Variants in ESAM observed in about 807,000 individuals in gnomAD.
ESAM encodes endothelial cell adhesion molecule, also known as endothelial cell-selective adhesion molecule.
In ESAM, 23 loss-of-function variants were observed where a neutral mutation model predicts 31.8. The observed-to-expected ratio is 0.72, with a 90% confidence interval of 0.52 to 1.03. The LOEUF (loss-of-function observed/expected upper bound fraction) is 1.03, where lower values mean the gene tolerates loss of function less well. Among genes scored for constraint, ESAM ranks in the 50% least tolerant of loss-of-function variants. ESAM has a pLI of 0.00. For synonymous variants in ESAM, 216 were observed against 207.2 expected, an observed-to-expected ratio of 1.04 and a Z score of -0.37; for missense variants, 478 against 488.9, an observed-to-expected ratio of 0.98 and a Z score of 0.21.
In ESAM at chr11:124,754,889, TG is replaced by T. The variant is rs35321051; in HGVS notation, c.608-127del. On this transcript the variant is annotated intron_variant, in intron 4 of 6. Transcript: ENST00000278927. This position sits in a 1 kb window ranked among gnomAD's most constrained non-coding sequence, Gnocchi z 4.5. ...GAGTCACGGCTTGTCTATTCCCTGA[TG>T]GGGGGAGAGGTGTGACAGCTGGGCT... 11 of 1,284,368 alleles carry T rather than the reference TG, an allele frequency of 8.6e-6. No individual in the cohort carries two copies. The highest frequency in any genetic ancestry group is 1.1e-5 in the Non-Finnish European group (10 of 949,318). 79.6% of individuals were successfully genotyped at this position (1,284,368 alleles called of 1,614,324 possible).
chr11:124,758,299 A>G (rs533299542), intron 2 of ESAM, 50 bp downstream of exon 2: 7 of 1,609,966 alleles, frequency 4.3e-6, no homozygotes, highest in Admixed American at 3.3e-5. Context: ...TTTGCTTACA[A>G]CCCCCTCTGG....
rs755071648 is a variant in ESAM, at chr11:124,762,159, C to A, written c.-5G>T. The A allele has an allele frequency of 6.2e-7, 1 of 1,606,888 alleles. No individual in the cohort carries two copies. The highest frequency in any genetic ancestry group is 2.3e-5 in the East Asian group (1 of 44,086). On this transcript the variant is annotated 5_prime_UTR_variant, in exon 1 of 7. It adds an upstream start codon to the 5' untranslated region. Transcript: ENST00000278927. The surrounding 1 kb of genome is among the most constrained non-coding windows in gnomAD (Gnocchi z 6.4). ...GGGCCCCGGGAGGGAAATCATGGCC[C>A]TCCCTGGCCGGGACGGAGTCAGGGG...
chr11:124,760,147 G>A (rs919311330), intron 1 of ESAM, among the ~76,000 whole-genome samples: 1 of 152,226 alleles, frequency 6.6e-6, no homozygotes, highest in Non-Finnish European at 1.5e-5. Flanking sequence ...TGGGGTCTGG[G>A]CACATGCTCC....
intron 1 of ESAM, among the ~76,000 whole-genome samples, chr11:124,760,564 C>T (rs1243746764): frequency 6.6e-6 from 1 of 152,256 alleles, no homozygotes. Context: ...CCCAGAAGAG[C>T]GGAGCCGGGC....
Position 124,753,422 on chromosome 11 carries a change from G to A in ESAM, c.*224C>T. The A allele has an allele frequency of 3.5e-6, 2 of 565,746 alleles. No individual in the cohort carries two copies. Among genetic ancestry groups the A allele is most frequent in the South Asian group, 4.4e-5 (2 of 45,578 alleles). 35.0% of individuals were successfully genotyped at this position (565,746 alleles called of 1,614,324 possible). A position where few individuals can be genotyped will look rare whatever the true frequency, so the allele number is the denominator to read the frequency against. ...CTGGCTTCATAAGGAGGAGTCAGGG[G>A]TGGGTGGAGGCTCCTCCCAATTCCA... is the stretch of plus-strand genomic sequence containing the variant. On this transcript the variant is annotated 3_prime_UTR_variant, in exon 7 of 7. Coordinates refer to ENST00000278927, the MANE Select transcript of ESAM (RefSeq NM_138961.3).
In ESAM at chr11:124,756,372, G is replaced by A; in HGVS notation, c.452-10C>T. The A allele has an allele frequency of 6.3e-7, 1 of 1,593,792 alleles. No individual in the cohort carries two copies. Among genetic ancestry groups the A allele is most frequent in the Non-Finnish European group, 8.6e-7 (1 of 1,169,486 alleles). On this transcript the variant is annotated splice_polypyrimidine_tract_variant and intron_variant, in intron 3 of 6. Coordinates refer to ENST00000278927, the MANE Select transcript of ESAM (RefSeq NM_138961.3). The stretch of plus-strand genomic sequence containing the variant: ...GGAGGAGCTGGAGGAACTGGGCAGG[G>A]GGAGACAGATTAAAACCACACCCAG...
Position 124,759,954 on chromosome 11 carries a change from CAG to C in ESAM, c.71-1429_71-1428del, listed in dbSNP as rs1565443035. Among the ~76,000 whole-genome samples, 3 of 152,228 alleles carry C rather than the reference CAG, an allele frequency of 2.0e-5. No individual in the cohort carries two copies. The highest frequency in any genetic ancestry group is 1.5e-5 in the Non-Finnish European group (1 of 68,038). The stretch of plus-strand genomic sequence containing the variant: ...CCTGCAGGTGCTGCCGGCTCTCCCC[CAG>C]CCTTTCTACGACACACACCCGGCGG... On this transcript the variant is annotated intron_variant, in intron 1 of 6. Coordinates refer to ENST00000278927, the MANE Select transcript of ESAM (RefSeq NM_138961.3). The surrounding 1 kb of genome is among the most constrained non-coding windows in gnomAD (Gnocchi z 6.8).
At position 124,756,689 on chromosome 11, in the gene ESAM, G is replaced by A. The variant is rs765170799; in HGVS notation, c.303C>T (p.Val101=). The change falls in exon 3 of 7, where the codon GTC becomes GTT. Residue 101 remains valine (V), a synonymous_variant. Coordinates refer to ENST00000278927, the MANE Select transcript of ESAM (RefSeq NM_138961.3). ...ACAGGTTCCGGGAGGGCATGGAGTA[G>A]ACCAAGGATACTCCAGGTTTGCTTG... ...VTTSKPGVSL[V]YSMPSRNLSL... 5 of 1,614,178 alleles carry A rather than the reference G, an allele frequency of 3.1e-6. No individual in the cohort carries two copies. Among genetic ancestry groups the A allele is most frequent in the Non-Finnish European group, 8.5e-7 (1 of 1,180,052 alleles).
chr11:124,761,548 G>A (rs992427974), intron 1 of ESAM, among the ~76,000 whole-genome samples: 10 of 152,104 alleles, frequency 6.6e-5, no homozygotes, highest in African/African-American at 2.4e-4. Context: ...TCGTCCTTTT[G>A]GGGCACCTCC....
intron 2 of ESAM, 78 bp downstream of exon 2, chr11:124,758,271 T>A: frequency 1.9e-5 from 28 of 1,470,538 alleles, no homozygotes; most frequent in Middle Eastern, 1.8e-4. Flanking sequence ...TCTCCACCCC[T>A]CCCACCGCTA....
Position 124,754,010 on chromosome 11 carries a change from G to C in ESAM, c.858-49C>G, listed in dbSNP as rs1324012102. 2 of 1,598,754 alleles carry C rather than the reference G, an allele frequency of 1.3e-6. No homozygotes were observed. The highest frequency in any genetic ancestry group is 3.5e-5 in the Admixed American group (2 of 57,876). On this transcript the variant is annotated intron_variant, in intron 6 of 6. Transcript: ENST00000278927. The surrounding 1 kb of genome is among the most constrained non-coding windows in gnomAD (Gnocchi z 4.5). The stretch of plus-strand genomic sequence containing the variant: ...AGGTCAGAAGTGGGTGGGGGAAGGA[G>C]GAGAGAGTTTCTACCTGCTTGGTCT...
Position 124,753,675 on chromosome 11 carries a change from C to T in ESAM, c.1144G>A (p.Ala382Thr). ...ACCAGAGAGCCAGCTTGACTCTGGG[C>T]AGGCACCATCACAGGCACAGCACCC... ...RMGAVPVMVP[A>T]QSQAGSLV is the part of the protein sequence containing the mutation. The change falls in exon 7 of 7, where the codon GCC becomes ACC. Residue 382 changes from alanine (A) to threonine (T), a missense_variant. Transcript: ENST00000278927. The T allele has an allele frequency of 6.2e-7, 1 of 1,613,852 alleles. No homozygotes were observed. Among genetic ancestry groups the T allele is most frequent in the East Asian group, 2.2e-5 (1 of 44,890 alleles).
Position 124,753,762 on chromosome 11 carries a change from C to G in ESAM, c.1057G>C (p.Ala353Pro). 6.2e-7 allele frequency: 1 copy of G among 1,613,980 alleles called. No individual in the cohort carries two copies. The highest frequency in any genetic ancestry group is 8.5e-7 in the Non-Finnish European group (1 of 1,179,934). ...ATGGGGGATATTGGTTGAGGGTGGG[C>G]CCCATCTGTCGTGGGCAGTCTTGGT... is the stretch of plus-strand genomic sequence containing the variant. ...PSPRLPTTDG[A>P]HPQPISPIPG... Residue 353 changes from alanine (A) to proline (P), a missense_variant, in exon 7 of 7, where the codon GCC (alanine) becomes CCC (proline). Transcript: ENST00000278927.
chr11:124,756,915 C>G (rs997085902), intron 2 of ESAM, 173 bp from the exon 3 acceptor site: 8 of 642,466 alleles, frequency 1.2e-5, no homozygotes, highest in Non-Finnish European at 1.9e-5. Flanking sequence ...CCTCTCACTG[C>G]CCCTGGGTCC....
chr11:124,762,175 G>T lies in ESAM; in HGVS notation c.-21C>A, dbSNP rs746394367. 6 of 1,592,072 alleles carry T rather than the reference G, an allele frequency of 3.8e-6. No individual in the cohort carries two copies. The South Asian group carries it at 5.6e-5, about 15-fold the overall frequency. On this transcript the variant is annotated 5_prime_UTR_variant, in exon 1 of 7. Coordinates refer to ENST00000278927, the MANE Select transcript of ESAM (RefSeq NM_138961.3). The surrounding 1 kb of genome is among the most constrained non-coding windows in gnomAD (Gnocchi z 6.4). ...ATCATGGCCCTCCCTGGCCGGGACG[G>T]AGTCAGGGGCGCCAGCCGCGGGACG... is the stretch of plus-strand genomic sequence containing the variant.
rs1413208902 is a variant in ESAM, at chr11:124,756,314, C to T, written c.500G>A (p.Gly167Glu). 1 of 1,612,496 alleles carries T rather than the reference C, an allele frequency of 6.2e-7. No individual in the cohort carries two copies. Among genetic ancestry groups the T allele is most frequent in the Non-Finnish European group, 8.5e-7 (1 of 1,179,300 alleles). ...SCRLQGVPHV[G>E]ANVTLSCQSP... ...CTGGCAGCTCAGGGTCACGTTTGCC[C>T]CCACATGGGGCACACCCTGGAGACG... Residue 167 changes from glycine (G) to glutamate (E), a missense_variant, in exon 4 of 7, where the codon GGG becomes GAG. Transcript: ENST00000278927.
chr11:124,754,276 A>G lies in ESAM; in HGVS notation c.795T>C (p.Ala265=), dbSNP rs138448090. 3 of 1,613,968 alleles carry G rather than the reference A, an allele frequency of 1.9e-6. No homozygotes were observed. The highest frequency in any genetic ancestry group is 2.5e-6 in the Non-Finnish European group (3 of 1,180,006). The change falls in exon 6 of 7, where the codon GCT becomes GCC. Residue 265 remains alanine, a synonymous_variant. Transcript: ENST00000278927. The surrounding 1 kb of genome is among the most constrained non-coding windows in gnomAD (Gnocchi z 4.5). The part of the protein sequence containing the change: ...VGTLVGLGLL[A]GLVLLYHRRG... ...GGCGGTGGTACAAGAGGACCAGCCCAGCCAGCAACCCCAGTCCAACCAGGG... is the reference window on the plus strand; with the variant it reads ...GGCGGTGGTACAAGAGGACCAGCCCGGCCAGCAACCCCAGTCCAACCAGGG...
Position 124,756,523 on chromosome 11 carries a change from A to G in ESAM, c.451+18T>C. 1 of 1,612,158 alleles carries G rather than the reference A, an allele frequency of 6.2e-7. No homozygotes were observed. The highest frequency in any genetic ancestry group is 8.5e-7 in the Non-Finnish European group (1 of 1,178,516). On this transcript the variant is annotated intron_variant, in intron 3 of 6. Coordinates refer to ENST00000278927, the MANE Select transcript of ESAM (RefSeq NM_138961.3). ...CAGTGCAGGTGGGGAGGGGTCCGGA[A>G]ATCTGCTTCTCACTCACCCAGTACA...
intron 1 of ESAM, 30 bp from the exon 2 acceptor site, chr11:124,758,557 A>C: frequency 6.7e-7 from 1 of 1,485,138 alleles, no homozygotes; most frequent in Non-Finnish European, 8.9e-7. Flanking sequence ...GTGAGTGCCC[A>C]GGACCGGCTC....
Sources: gnomAD v4.1 joint callset for allele counts (sites outside exome capture counted in the v4.1 genomes callset) on GRCh38, gnomAD v4.1.1 for gene constraint, Gnocchi (gnomAD v3.1) non-coding constraint, MANE v1.5 for transcripts, NCBI Gene and HGNC (gene_info 2026-07-23, HGNC 2026-07-21) for gene names.